PPP1R13L: variants seen among roughly 807,000 people sequenced by gnomAD.
PPP1R13L encodes protein phosphatase 1 regulatory subunit 13 like.
Under a neutral mutation model 80.9 loss-of-function variants are expected in PPP1R13L, and 50 were observed. That is an observed-to-expected ratio of 0.62 (90% CI 0.49 to 0.78). PPP1R13L has a LOEUF of 0.78. PPP1R13L is among the 30% of genes least tolerant of loss of function. The probability of loss-of-function intolerance (pLI) is 0.00; values close to 1 mark genes in which losing one functional copy is unlikely to be tolerated. For synonymous variants in PPP1R13L, 602 were observed against 534.3 expected (o/e 1.13, Z -1.75); for missense variants, 1,200 against 1,205.9 (o/e 1.00, Z 0.07).
rs907960827 is a variant in PPP1R13L at position 45,398,466 on chromosome 19, C to T, written c.-21-127G>A. ...GTTCCTTCCCCTGGAAGCCCTTTAC[C>T]CTTTCACCTCCCCAGCTGGGAAATG... is the stretch of plus-strand genomic sequence containing the variant. On this transcript the variant is annotated intron_variant, in intron 1 of 12. Transcript: ENST00000360957. 23 of 875,808 alleles carry T rather than the reference C, an allele frequency of 2.6e-5. No individual in the cohort carries two copies. In the East Asian group the frequency reaches 5.9e-4, roughly 22 times the overall value. 54.3% of individuals were successfully genotyped at this position (875,808 alleles called of 1,614,324 possible). A position where few individuals can be genotyped will look rare whatever the true frequency, so the allele number is the denominator to read the frequency against.
rs776699733 is a variant in PPP1R13L at position 45,396,308 on chromosome 19, T to C, written c.811+30A>G. On this transcript the variant is annotated intron_variant, in intron 5 of 12. Coordinates refer to ENST00000360957, the MANE Select transcript of PPP1R13L (RefSeq NM_006663.4). The surrounding 1 kb of genome is among the most constrained non-coding windows in gnomAD (Gnocchi z 5.3). ...TCTGTGGGGCTGCCTCTCCTCCGGG[T>C]CCTCCATTCCCCGGGCCTCCACCAC... 1 of 1,613,662 alleles carries C rather than the reference T, an allele frequency of 6.2e-7. No individual in the cohort carries two copies. Among genetic ancestry groups the C allele is most frequent in the South Asian group, 1.1e-5 (1 of 91,084 alleles).
Position 45,396,801 on chromosome 19 carries a change from G to T in PPP1R13L, c.456C>A (p.Ser152=). ...GCCGCGGGGAGGGCGCACGGCCGAG[G>T]GAGCTGCCTGCGCCATCGAAGGCGC... ...RPRAFDGAGS[S]LGRAPSPRPG... The change falls in exon 4 of 13, where the codon TCC becomes TCA. Residue 152 remains serine, a synonymous_variant. Transcript: ENST00000360957. This position sits in a 1 kb window ranked among gnomAD's most constrained non-coding sequence, Gnocchi z 5.3. 1 of 1,411,092 alleles carries T rather than the reference G, an allele frequency of 7.1e-7. No individual in the cohort carries two copies. The highest frequency in any genetic ancestry group is 9.2e-7 in the Non-Finnish European group (1 of 1,091,532). 87.4% of individuals were successfully genotyped at this position (1,411,092 alleles called of 1,614,324 possible). A position where few individuals can be genotyped will look rare whatever the true frequency, so the allele number is the denominator to read the frequency against.
chr19:45,392,013 C>T lies in PPP1R13L; in HGVS notation c.1682G>A (p.Gly561Glu). ...GATGGGGGACAGCTCTGGCTCCGGC[C>T]CCCCGGGCCCTGGCCCCCCATGACG... ...FHRHGGPGPGGPEPELSPITE... is the reference protein window; with the variant it reads ...FHRHGGPGPGEPEPELSPITE... Residue 561 changes from glycine (G) to glutamate (E), a missense_variant, in exon 8 of 13, where the codon GGG becomes GAG. This residue lies in a region of PPP1R13L where 214 missense variants were observed against 199.6 expected (regional missense o/e 1.07). Coordinates refer to ENST00000360957, the MANE Select transcript of PPP1R13L (RefSeq NM_006663.4). 3.2e-6 allele frequency: 5 copies of T among 1,539,536 alleles called. No individual in the cohort carries two copies. Among genetic ancestry groups the T allele is most frequent in the East Asian group, 2.3e-5 (1 of 44,180 alleles).
Position 45,386,046 on chromosome 19 carries a change from C to T in PPP1R13L, c.1947+3G>A. The T allele has an allele frequency of 6.3e-7, 1 of 1,587,298 alleles. No homozygotes were observed. The highest frequency in any genetic ancestry group is 8.5e-7 in the Non-Finnish European group (1 of 1,169,694). ...TGCCCACCTCCCGCTCAGCAGCGCT[C>T]ACCTCCTTCACCGCCTGCTGCACCA... On this transcript the variant is annotated splice_donor_region_variant and intron_variant, in intron 9 of 12. Transcript: ENST00000360957.
intron 1 of PPP1R13L, 24 bp from the exon 2 acceptor site, chr19:45,398,363 C>A (rs375587412): frequency 2.5e-6 from 4 of 1,607,860 alleles, no homozygotes; most frequent in Non-Finnish European, 3.4e-6. Context: ...AGGGAGGGAG[C>A]TGGCTAAGAC....
At chr19:45,399,030 G>T (rs79713128) in intron 1 of PPP1R13L, among the ~76,000 whole-genome samples, 5 of 151,864 alleles carry the variant, frequency 3.3e-5, no homozygotes, top group Admixed American at 2.6e-4. Flanking sequence ...TGCAAGCTCC[G>T]CCTCCAGGGT....
chr19:45,397,472 C>CTTTCTTTCCT (rs1555782660), intron 3 of PPP1R13L, among the ~76,000 whole-genome samples: 1 of 83,272 alleles, frequency 1.2e-5, no homozygotes, highest in Admixed American at 1.5e-4. Context: ...TTCTCTCTCT[C>CTTTCTTTCCT]TCTTTCTTTC....
At chr19:45,382,336 C>A (rs1327573891) in intron 12 of PPP1R13L, among the ~76,000 whole-genome samples, 191 bp downstream of exon 12, 1 of 152,172 alleles carries the variant, frequency 6.6e-6, no homozygotes, top group Admixed American at 6.6e-5. Flanking sequence ...ATAAGGGACC[C>A]TTACCCCCGA....
Position 45,385,622 on chromosome 19 carries a change from C to A in PPP1R13L, c.2188G>T (p.Ala730Ser). The change falls in exon 11 of 13, where the codon GCC (alanine) becomes TCC (serine). Residue 730 changes from alanine to serine, a missense_variant. Coordinates refer to ENST00000360957, the MANE Select transcript of PPP1R13L (RefSeq NM_006663.4). ...CGGTAAGGGTCGCACTTCTCGAAGG[C>A]GGTGGCGCCGTCGCTGAGCGTGGTG... ...FATTLSDGATAFEKCDPYREG... is the reference protein window; with the variant it reads ...FATTLSDGATSFEKCDPYREG... 1 of 1,613,146 alleles carries A rather than the reference C, an allele frequency of 6.2e-7. No individual in the cohort carries two copies. The highest frequency in any genetic ancestry group is 8.5e-7 in the Non-Finnish European group (1 of 1,179,874).
chr19:45,389,889 G>C (rs945691697), intron 8 of PPP1R13L, among the ~76,000 whole-genome samples: 1 of 151,674 alleles, frequency 6.6e-6, no homozygotes, highest in Non-Finnish European at 1.5e-5. Context: ...TCCGCCTCCC[G>C]GGCTCACGCC....
At chr19:45,403,137 G>A (rs1001363703) in intron 1 of PPP1R13L, among the ~76,000 whole-genome samples, 2 of 152,198 alleles carry the variant, frequency 1.3e-5, no homozygotes, top group Admixed American at 1.3e-4. Flanking sequence ...TCGCCTCAAA[G>A]GGGTATGAGG....
chr19:45,403,899 C>T (rs904436847), intron 1 of PPP1R13L, among the ~76,000 whole-genome samples: 9 of 152,028 alleles, frequency 5.9e-5, no homozygotes, highest in African/African-American at 2.2e-4. Context: ...CCTGCCCTCC[C>T]CCCGCCTCAA....
chr19:45,383,391 T>C (rs1318330314), intron 11 of PPP1R13L, among the ~76,000 whole-genome samples: 5 of 142,992 alleles, frequency 3.5e-5, no homozygotes, highest in South Asian at 2.2e-4. Context: ...GCCTCCGGAG[T>C]TCGAGCCATT....
In PPP1R13L at chr19:45,385,617, G is replaced by C. The variant is rs769470483; in HGVS notation, c.2193C>G (p.Phe731Leu). Residue 731 changes from phenylalanine to leucine, a missense_variant, in exon 11 of 13, where the codon TTC becomes TTG. By Grantham distance (22) the Phe-to-Leu change is conservative. Around this residue, in one of 5 missense-constraint regions of PPP1R13L, gnomAD observed 165 missense variants for 177.1 expected, o/e 0.93. Coordinates refer to ENST00000360957, the MANE Select transcript of PPP1R13L (RefSeq NM_006663.4). ...CCTCGCGGTAAGGGTCGCACTTCTC[G>C]AAGGCGGTGGCGCCGTCGCTGAGCG... ...ATTLSDGATA[F>L]EKCDPYREGY... is the part of the protein sequence containing the mutation. 3 of 1,613,074 alleles carry C rather than the reference G, an allele frequency of 1.9e-6. No homozygotes were observed. The highest frequency in any genetic ancestry group is 2.5e-6 in the Non-Finnish European group (3 of 1,179,908).
At chr19:45,381,754 A>C (rs972882417) in intron 12 of PPP1R13L, among the ~76,000 whole-genome samples, 3 of 149,262 alleles carry the variant, frequency 2.0e-5, no homozygotes, top group Admixed American at 6.7e-5. Flanking sequence ...AACGTGATGA[A>C]ACCCTGTCTA....
Position 45,396,733 on chromosome 19 carries a change from A to C in PPP1R13L, c.524T>G (p.Phe175Cys). 2 of 1,384,058 alleles carry C rather than the reference A, an allele frequency of 1.4e-6. No individual in the cohort carries two copies. The highest frequency in any genetic ancestry group is 1.9e-6 in the Non-Finnish European group (2 of 1,078,090). 85.7% of individuals were successfully genotyped at this position (1,384,058 alleles called of 1,614,324 possible). A position where few individuals can be genotyped will look rare whatever the true frequency, so the allele number is the denominator to read the frequency against. ...GGAGCCTGCGCGGCCCAGGAAGTCGAAAGGCGTGGGGGGACCCTGCTGGCG... is the reference window on the plus strand; with the variant it reads ...GGAGCCTGCGCGGCCCAGGAAGTCGCAAGGCGTGGGGGGACCCTGCTGGCG... The part of the protein sequence containing the change: ...PLRQQGPPTP[F>C]DFLGRAGSPR... Residue 175 changes from phenylalanine (F) to cysteine (C), a missense_variant, in exon 4 of 13, where the codon TTC (phenylalanine) becomes TGC (cysteine). Phe to Cys is a radical substitution (Grantham distance 205). Around this residue, in one of 5 missense-constraint regions of PPP1R13L, gnomAD observed 764 missense variants for 714.5 expected, o/e 1.07. Transcript: ENST00000360957. The surrounding 1 kb of genome is among the most constrained non-coding windows in gnomAD (Gnocchi z 5.3).
chr19:45,391,955 AG>A lies in PPP1R13L; in HGVS notation c.1739del (p.Pro580LeufsTer57). ...TEGSEARAGP[P>X]APAPPAPIPP... ...GAATGGGAGCTGGTGGGGCAGGAGC[AG>A]GGGGCCCTGCCCTGGCCTCAGATCC... is the stretch of plus-strand genomic sequence containing the variant. On this transcript the variant is annotated frameshift_variant, in exon 8 of 13. Coordinates refer to ENST00000360957, the MANE Select transcript of PPP1R13L (RefSeq NM_006663.4). LOFTEE classifies it high-confidence loss of function. 6.6e-7 allele frequency: 1 copy of A among 1,509,200 alleles called. No homozygotes were observed. The highest frequency in any genetic ancestry group is 8.8e-7 in the Non-Finnish European group (1 of 1,131,004). The allele number at this position is 1,509,200 out of a possible 1,614,324, so 93.5% of individuals were successfully genotyped here.
At chr19:45,398,834 C>T (rs1973170737) in intron 1 of PPP1R13L, among the ~76,000 whole-genome samples, 1 of 151,396 alleles carries the variant, frequency 6.6e-6, no homozygotes, top group South Asian at 2.1e-4. Context: ...ACCTGAATCA[C>T]TCCTTGAACA....
chr19:45,383,293 C>CCTCATTTCCTTCTTGTACA (rs1972803406), intron 11 of PPP1R13L, among the ~76,000 whole-genome samples: 1 of 62,824 alleles, frequency 1.6e-5, no homozygotes. Context: ...CGCGCCCGGC[C>CCTCATTTCCTTCTTGTACA]TTTTTTTTTT....
Sources: allele counts gnomAD v4.1 joint callset (sites outside exome capture counted in the v4.1 genomes callset), GRCh38; gene constraint gnomAD v4.1.1; regional missense constraint gnomAD v4.1.1; non-coding constraint Gnocchi (gnomAD v3.1); transcripts MANE v1.5; gene names NCBI Gene and HGNC (gene_info 2026-07-23, HGNC 2026-07-21).